The following FSTL4 variants were observed in gnomAD, a reference collection of about 807,000 sequenced individuals.
FSTL4 encodes follistatin like 4.
Under a neutral mutation model 78.2 loss-of-function variants are expected in FSTL4, and 28 were observed. The ratio of observed to expected loss-of-function variants is 0.36; its 90% CI spans 0.27 to 0.49. The LOEUF (loss-of-function observed/expected upper bound fraction) is 0.49, where lower values mean the gene tolerates loss of function less well. Ranked by LOEUF, FSTL4 falls within the 20% of genes least tolerant of loss-of-function variation. The pLI is 0.98. For missense variants in FSTL4, 922 were observed against 1,084.9 expected, an observed-to-expected ratio of 0.85 and a Z score of 2.11; for synonymous variants, 422 against 440.5, an observed-to-expected ratio of 0.96 and a Z score of 0.53.
chr5:133,565,039 C>T (rs1561471014), intron 3 of FSTL4, among the ~76,000 whole-genome samples: 1 of 152,132 alleles, frequency 6.6e-6, no homozygotes, highest in Non-Finnish European at 1.5e-5. Context: ...TAAGGCAAAC[C>T]AAAACAGGAA....
chr5:133,619,675 A>G, the FSTL4 span, among the ~76,000 whole-genome samples: 2 of 152,180 alleles, frequency 1.3e-5, no homozygotes, highest in African/African-American at 4.8e-5. Context: ...AAGACCCTCC[A>G]TTTCCTAATT....
the FSTL4 span, among the ~76,000 whole-genome samples, chr5:133,829,900 G>A: frequency 6.6e-6 from 1 of 152,078 alleles, no homozygotes; most frequent in African/African-American, 2.4e-5. Flanking sequence ...AAGATGCTCT[G>A]GGTCTGGGAA....
intron 4 of FSTL4, among the ~76,000 whole-genome samples, chr5:133,384,085 G>T (rs1414158710): frequency 6.6e-6 from 1 of 152,184 alleles, no homozygotes; most frequent in Non-Finnish European, 1.5e-5. Flanking sequence ...CACCTCTGAG[G>T]CTGGTGGATG....
chr5:133,315,727 A>G (rs755633884), intron 5 of FSTL4, among the ~76,000 whole-genome samples: 4 of 152,014 alleles, frequency 2.6e-5, no homozygotes, highest in Non-Finnish European at 4.4e-5. Flanking sequence ...CAAACCAGTA[A>G]GCAGAAGTAG....
chr5:133,217,745 C>T (rs1332681036), intron 12 of FSTL4, among the ~76,000 whole-genome samples: 1 of 152,188 alleles, frequency 6.6e-6, no homozygotes, highest in African/African-American at 2.4e-5. Flanking sequence ...TGCTCCTTAA[C>T]ACTCTGGCTC....
At chr5:133,200,440 G>A (rs892171261) in intron 15 of FSTL4, among the ~76,000 whole-genome samples, 3 of 152,262 alleles carry the variant, frequency 2.0e-5, no homozygotes, top group Admixed American at 2.0e-4. Flanking sequence ...GAGCCAGATG[G>A]CCTGGTGCCG....
chr5:133,652,251 T>A, the FSTL4 span, among the ~76,000 whole-genome samples: 1 of 152,106 alleles, frequency 6.6e-6, no homozygotes, highest in Non-Finnish European at 1.5e-5. Context: ...TTTTATTGAT[T>A]TCTGCTCTAA....
intron 4 of FSTL4, among the ~76,000 whole-genome samples, chr5:133,400,278 G>A (rs1487507289): frequency 6.6e-6 from 1 of 152,310 alleles, no homozygotes; most frequent in South Asian, 2.1e-4. Context: ...ATCAACAACT[G>A]CCCCAGGCCA....
chr5:133,730,008 A>T, the FSTL4 span, among the ~76,000 whole-genome samples: 1 of 152,186 alleles, frequency 6.6e-6, no homozygotes, highest in African/African-American at 2.4e-5. Context: ...AGAAAACGCA[A>T]TGTGGCCACC....
chr5:133,269,038 C>T (rs190947001), intron 6 of FSTL4, among the ~76,000 whole-genome samples: 2 of 151,856 alleles, frequency 1.3e-5, no homozygotes, highest in African/African-American at 2.4e-5. Flanking sequence ...AAAAATTAGC[C>T]GGGCATGGTG....
intron 15 of FSTL4, among the ~76,000 whole-genome samples, chr5:133,200,771 C>T (rs1451942401): frequency 6.6e-6 from 1 of 152,192 alleles, no homozygotes; most frequent in Non-Finnish European, 1.5e-5. Context: ...AGAATCTCTT[C>T]TGTAGTTTTC....
At chr5:133,379,972 G>A (rs558117108) in intron 4 of FSTL4, among the ~76,000 whole-genome samples, 28 of 152,218 alleles carry the variant, frequency 1.8e-4, no homozygotes, top group African/African-American at 5.8e-4. Flanking sequence ...CTACTCGGGA[G>A]GCTGAGGCAG....
the FSTL4 span, among the ~76,000 whole-genome samples, chr5:133,837,828 G>A: frequency 6.6e-6 from 1 of 152,174 alleles, no homozygotes; most frequent in African/African-American, 2.4e-5. Flanking sequence ...CAAATTTGGG[G>A]TAAAAGTAGC....
At chr5:133,787,097 C>A in the FSTL4 span, among the ~76,000 whole-genome samples, 1 of 152,148 alleles carries the variant, frequency 6.6e-6, no homozygotes, top group East Asian at 1.9e-4. Flanking sequence ...AACCTAGAAA[C>A]CCTGACTTTC....
chr5:133,633,009 C>G, the FSTL4 span, among the ~76,000 whole-genome samples: 1 of 152,274 alleles, frequency 6.6e-6, no homozygotes, highest in Admixed American at 6.5e-5. Flanking sequence ...TTTTTAATAA[C>G]TCCTCTGTCA....
At chr5:133,252,355 C>T (rs62374533) in intron 6 of FSTL4, 100,276 of 152,012 alleles carry the variant, frequency 0.66, 33,509 homozygotes, top group East Asian at 0.85. Flanking sequence ...CCTAGAGATC[C>T]GCTTCTCAGG....
intron 8 of FSTL4, among the ~76,000 whole-genome samples, chr5:133,226,309 C>A (rs1473621560): frequency 6.6e-6 from 1 of 152,208 alleles, no homozygotes; most frequent in East Asian, 1.9e-4. Flanking sequence ...TCTCATTTCT[C>A]CACTTCTCAA....
At chr5:133,644,006 C>G in the FSTL4 span, among the ~76,000 whole-genome samples, 4 of 152,120 alleles carry the variant, frequency 2.6e-5, no homozygotes, top group Admixed American at 1.3e-4. Context: ...TTCTATTCTT[C>G]TAGTAAATAA....
chr5:133,230,321 C>A (rs74611356), intron 8 of FSTL4, among the ~76,000 whole-genome samples: 2,823 of 152,266 alleles, frequency 0.019, 87 homozygotes, highest in African/African-American at 0.064. Flanking sequence ...ATTTACCTAA[C>A]AGGTTCCAAG....
Sources: allele counts gnomAD v4.1 joint callset (sites outside exome capture counted in the v4.1 genomes callset), GRCh38; gene constraint gnomAD v4.1.1; transcripts MANE v1.5; gene names NCBI Gene and HGNC (gene_info 2026-07-23, HGNC 2026-07-21).